ADGRA3: variants seen among roughly 807,000 people sequenced by gnomAD.
ADGRA3 encodes the protein adhesion G protein-coupled receptor A3, also known as G-protein coupled receptor 125.
Under a neutral mutation model 119.8 loss-of-function variants are expected in ADGRA3, and 56 were observed. The ratio of observed to expected loss-of-function variants is 0.47; its 90% CI spans 0.38 to 0.58. ADGRA3 has a LOEUF of 0.58. Among genes scored for constraint, ADGRA3 ranks in the 20% least tolerant of loss-of-function variants. ADGRA3 has a pLI of 0.00. For missense variants in ADGRA3, 1,516 were observed against 1,649.0 expected (o/e 0.92, Z 1.40); for synonymous variants, 607 against 623.8 (o/e 0.97, Z 0.40).
intron 1 of ADGRA3, among the ~76,000 whole-genome samples, chr4:22,498,711 T>C (rs1488565550): frequency 4.6e-5 from 7 of 151,822 alleles, no homozygotes; most frequent in Non-Finnish European, 7.4e-5. Flanking sequence ...GTCAGGAGTT[T>C]GAGACCAGCC....
chr4:22,497,166 G>C (rs370566324), intron 1 of ADGRA3, among the ~76,000 whole-genome samples: 2 of 152,266 alleles, frequency 1.3e-5, no homozygotes, highest in African/African-American at 4.8e-5. Flanking sequence ...TGGTGTCAAA[G>C]GATTCTGTAA....
rs143592195 is a variant in ADGRA3 at position 22,388,244 on chromosome 4, T to C, written c.3427A>G (p.Thr1143Ala). 1.7e-5 allele frequency: 27 copies of C among 1,614,052 alleles called. No individual in the cohort carries two copies. The highest frequency in any genetic ancestry group is 2.1e-5 in the Non-Finnish European group (25 of 1,179,934). The change falls in exon 19 of 19, where the codon ACA becomes GCA. Residue 1143 changes from threonine (T) to alanine (A), a missense_variant. Thr to Ala is a moderately conservative substitution (Grantham distance 58). Transcript: ENST00000334304. ...NSTPQLDNSL[T>A]EHSMDNDIKM... Reference sequence around the variant, plus strand: ...ATATCATTGTCCATTGAATGTTCTGTCAGACTATTATCAAGCTGAGGGGTG... The same window carrying C: ...ATATCATTGTCCATTGAATGTTCTGCCAGACTATTATCAAGCTGAGGGGTG...
intron 1 of ADGRA3, among the ~76,000 whole-genome samples, chr4:22,502,013 G>A (rs1383528484): frequency 6.6e-6 from 1 of 151,914 alleles, no homozygotes; most frequent in East Asian, 1.9e-4. Flanking sequence ...AATCTCAAGC[G>A]ATCTCCATTT....
intron 1 of ADGRA3, among the ~76,000 whole-genome samples, chr4:22,497,422 A>C (rs1718874193): frequency 6.6e-6 from 1 of 152,222 alleles, no homozygotes; most frequent in African/African-American, 2.4e-5. Context: ...AGAAATTCAG[A>C]GAAGCAGGCT....
intron 12 of ADGRA3, among the ~76,000 whole-genome samples, chr4:22,418,265 G>A (rs1481914168): frequency 6.6e-6 from 1 of 152,176 alleles, no homozygotes; most frequent in Non-Finnish European, 1.5e-5. Flanking sequence ...CACTAGGCCT[G>A]CCCTCAGGCA....
Position 22,413,077 on chromosome 4 carries a change from AAAAAAAAAAAAAAAC to A in ADGRA3, c.2232+90_2232+104del. On this transcript the variant is annotated intron_variant, in intron 14 of 18. Transcript: ENST00000334304. Reference sequence around the variant, plus strand: ...AAGGGAGCAAATTATGTTAAAAGTAAAAAAAAAAAAAAAACAAAAAACAAAAAAACACTTCATTTG... The same window carrying A: ...AAGGGAGCAAATTATGTTAAAAGTAAAAAAAACAAAAAAACACTTCATTTG... 10 of 800,628 alleles carry A rather than the reference AAAAAAAAAAAAAAAC, an allele frequency of 1.2e-5. No individual in the cohort carries two copies. In the South Asian group the frequency reaches 1.8e-4, roughly 15 times the overall value. The allele number at this position is 800,628 out of a possible 1,614,324, so 49.6% of individuals were successfully genotyped here. A position where few individuals can be genotyped will look rare whatever the true frequency, so the allele number is the denominator to read the frequency against.
At chr4:22,504,818 A>T (rs1181671578) in intron 1 of ADGRA3, among the ~76,000 whole-genome samples, 1 of 151,990 alleles carries the variant, frequency 6.6e-6, no homozygotes, top group Admixed American at 6.6e-5. Context: ...GCAGGTTCTC[A>T]ACCCAAGTGT....
At chr4:22,501,763 AT>A (rs1215468685) in intron 1 of ADGRA3, among the ~76,000 whole-genome samples, 3 of 141,050 alleles carry the variant, frequency 2.1e-5, no homozygotes, top group Admixed American at 7.4e-5. Context: ...TCACAAAAAA[AT>A]GGGAAAAGAT....
intron 14 of ADGRA3, among the ~76,000 whole-genome samples, chr4:22,405,499 T>C (rs1187411237): frequency 1.3e-5 from 2 of 151,140 alleles, no homozygotes; most frequent in African/African-American, 2.4e-5. Flanking sequence ...TGAGCTGAGA[T>C]TGCGCCACTG....
intron 16 of ADGRA3, among the ~76,000 whole-genome samples, chr4:22,400,890 C>G (rs1714606570): frequency 1.3e-5 from 2 of 152,060 alleles, no homozygotes; most frequent in Admixed American, 1.3e-4. Flanking sequence ...TACGTATTTT[C>G]TATTCATAGA....
chr4:22,454,761 C>A (rs558660661), intron 4 of ADGRA3, 105 bp downstream of exon 4: 2 of 812,340 alleles, frequency 2.5e-6, no homozygotes, highest in Non-Finnish European at 4.2e-6. Flanking sequence ...GCTTCTATAA[C>A]CCCTACAGTT....
intron 6 of ADGRA3, among the ~76,000 whole-genome samples, chr4:22,443,448 T>C (rs1716704366): frequency 6.6e-6 from 1 of 152,198 alleles, no homozygotes; most frequent in Non-Finnish European, 1.5e-5. Flanking sequence ...AAAAGACTTC[T>C]AAATATGTAG....
At chr4:22,431,353 G>A (rs1716161477) in intron 10 of ADGRA3, among the ~76,000 whole-genome samples, 1 of 69,180 alleles carries the variant, frequency 1.4e-5, no homozygotes, top group Non-Finnish European at 3.6e-5. Flanking sequence ...CTCAATGCCA[G>A]CCTGTGAAAG....
At chr4:22,492,435 T>C (rs1718656014) in intron 1 of ADGRA3, among the ~76,000 whole-genome samples, 1 of 152,216 alleles carries the variant, frequency 6.6e-6, no homozygotes, top group Non-Finnish European at 1.5e-5. Context: ...TTCATGTATT[T>C]AATTACAAAG....
At chr4:22,390,643 A>C (rs1452208388) in intron 17 of ADGRA3, among the ~76,000 whole-genome samples, 1 of 151,514 alleles carries the variant, frequency 6.6e-6, no homozygotes, top group Non-Finnish European at 1.5e-5. Context: ...TCACTGGCAA[A>C]TCTCGTGTCC....
intron 15 of ADGRA3, among the ~76,000 whole-genome samples, chr4:22,402,370 C>T (rs1714701526): frequency 6.6e-6 from 1 of 152,098 alleles, no homozygotes; most frequent in Admixed American, 6.5e-5. Flanking sequence ...AAACTTCCGC[C>T]TCACTTTACC....
intron 6 of ADGRA3, among the ~76,000 whole-genome samples, chr4:22,443,581 T>C (rs549846622): frequency 5.9e-5 from 9 of 152,246 alleles, no homozygotes; most frequent in Admixed American, 2.0e-4. Context: ...AAGAAATTAT[T>C]AACGAGCTAA....
intron 1 of ADGRA3, among the ~76,000 whole-genome samples, chr4:22,494,027 A>AC (rs1173687385): frequency 1.1e-4 from 17 of 151,802 alleles, no homozygotes; most frequent in Non-Finnish European, 5.9e-5. Flanking sequence ...ACATGGTGAA[A>AC]CCCCGTCTCT....
intron 1 of ADGRA3, among the ~76,000 whole-genome samples, chr4:22,506,052 C>T (rs1339927374): frequency 6.6e-6 from 1 of 152,134 alleles, no homozygotes; most frequent in Non-Finnish European, 1.5e-5. Context: ...CTTTGGCCAG[C>T]CCATACTGTA....
Sources: allele counts gnomAD v4.1 joint callset (sites outside exome capture counted in the v4.1 genomes callset), GRCh38; gene constraint gnomAD v4.1.1; transcripts MANE v1.5; gene names NCBI Gene and HGNC (gene_info 2026-07-23, HGNC 2026-07-21).